The following TEX14 variants were observed in gnomAD, a reference collection of about 807,000 sequenced individuals.
TEX14 encodes inactive serine/threonine-protein kinase TEX14.
Under a neutral mutation model 178.6 loss-of-function variants are expected in TEX14, and 168 were observed. The observed-to-expected ratio is 0.94, with a 90% CI of 0.83 to 1.07. The LOEUF is 1.07. Ranked by LOEUF, TEX14 falls within the 50% of genes least tolerant of loss-of-function variation. The pLI is 0.00. For synonymous variants in TEX14, 626 were observed against 634.1 expected (o/e 0.99, Z 0.19); for missense variants, 1,730 against 1,753.6 (o/e 0.99, Z 0.24).
intron 18 of TEX14, among the ~76,000 whole-genome samples, chr17:58,585,088 T>C (rs147441389): frequency 6.6e-6 from 1 of 152,290 alleles, no homozygotes; most frequent in African/African-American, 2.4e-5. Flanking sequence ...CAGCTTAGAA[T>C]ACATTCTAAA....
chr17:58,689,920 G>GC lies in TEX14; in HGVS notation c.-2+2018dup, dbSNP rs778780639. Among the ~76,000 whole-genome samples the GC allele has an allele frequency of 1.1e-3, 171 of 150,466 alleles. 1 individual carries two copies. Among genetic ancestry groups the GC allele is most frequent in the Non-Finnish European group, 1.8e-3 (120 of 67,718 alleles). On this transcript the variant is annotated intron_variant, in intron 1 of 31. Transcript: ENST00000349033. The stretch of plus-strand genomic sequence containing the variant: ...GCTGGAATGTGGTGGCGTGATCTAG[G>GC]CTCACTGCAAGCTCCGCCTCCTGGG...
chr17:58,675,925 A>G (rs2047386913), intron 1 of TEX14, among the ~76,000 whole-genome samples: 1 of 152,154 alleles, frequency 6.6e-6, no homozygotes, highest in Non-Finnish European at 1.5e-5. Flanking sequence ...TCATAGTAGT[A>G]TGTAAGCTTT....
intron 10 of TEX14, among the ~76,000 whole-genome samples, chr17:58,609,311 G>A (rs943892698): frequency 2.6e-5 from 4 of 152,080 alleles, no homozygotes; most frequent in Non-Finnish European, 4.4e-5. Flanking sequence ...GGGTTTCACC[G>A]TGTTAGCCAG....
intron 1 of TEX14, among the ~76,000 whole-genome samples, chr17:58,656,911 A>G (rs1048842115): frequency 5.6e-5 from 8 of 143,506 alleles, no homozygotes; most frequent in Admixed American, 2.2e-4. Flanking sequence ...TGACTGAGCA[A>G]AACTCCCATC....
chr17:58,625,129 GTTTTT>G (rs11324185), intron 3 of TEX14, among the ~76,000 whole-genome samples: 1 of 145,790 alleles, frequency 6.9e-6, no homozygotes, highest in South Asian at 2.1e-4. Context: ...TGTTTTTTGG[GTTTTT>G]TTTTTTTCTT....
intron 3 of TEX14, among the ~76,000 whole-genome samples, chr17:58,630,224 T>G (rs909656938): frequency 7.0e-6 from 1 of 142,184 alleles, no homozygotes. Context: ...GCCTGGCTAA[T>G]TTTTTGTATT....
chr17:58,620,501 T>A (rs999850486), intron 5 of TEX14, among the ~76,000 whole-genome samples: 10 of 146,052 alleles, frequency 6.8e-5, no homozygotes, highest in Non-Finnish European at 1.2e-4. Flanking sequence ...CGGCTAATAT[T>A]TTTTTTTTTT....
chr17:58,573,229 G>A lies in TEX14; in HGVS notation c.3463C>T (p.Pro1155Ser). ...SSFKEASCKTPKINHAPTSVS... is the reference protein window; with the variant it reads ...SSFKEASCKTSKINHAPTSVS... The stretch of plus-strand genomic sequence containing the variant: ...CTGGTAGGTGCATGGTTTATTTTGG[G>A]TGTTTTGCATGAAGCTTCCTTAAAA... Residue 1155 changes from proline to serine, a missense_variant, in exon 23 of 32, where the codon CCC (proline) becomes TCC (serine). Physicochemically the swap from Pro to Ser is moderately conservative, Grantham distance 74. Around this residue, in one of 2 missense-constraint regions of TEX14, gnomAD observed 941 missense variants for 1,072.4 expected, o/e 0.88. Coordinates refer to ENST00000349033, the MANE Select transcript of TEX14 (RefSeq NM_031272.5). The A allele has an allele frequency of 6.2e-7, 1 of 1,614,124 alleles. No homozygotes were observed. The highest frequency in any genetic ancestry group is 1.3e-5 in the African/African-American group (1 of 75,036).
At chr17:58,661,266 TAA>T (rs2047103655) in intron 1 of TEX14, 1 of 802,656 alleles carries the variant, frequency 1.2e-6, no homozygotes. Context: ...AAGTATTTTA[TAA>T]AGTGTTCGCG....
intron 5 of TEX14, among the ~76,000 whole-genome samples, chr17:58,619,405 A>G (rs749939114): frequency 6.0e-4 from 92 of 152,346 alleles, no homozygotes; most frequent in South Asian, 1.4e-3. Flanking sequence ...TTCTTTCCCC[A>G]GTCCAAGCTC....
chr17:58,656,093 G>A (rs1039470577), intron 1 of TEX14, among the ~76,000 whole-genome samples: 39 of 152,170 alleles, frequency 2.6e-4, no homozygotes, highest in African/African-American at 9.2e-4. Context: ...CTGAGGTCAC[G>A]AGTTTGAGAC....
At chr17:58,659,036 A>C (rs1051615463) in intron 1 of TEX14, among the ~76,000 whole-genome samples, 2 of 150,848 alleles carry the variant, frequency 1.3e-5, no homozygotes, top group Non-Finnish European at 2.9e-5. Flanking sequence ...TAACCTAAGA[A>C]GACGTAAGGT....
chr17:58,561,021 A>C (rs1242863923), intron 29 of TEX14, among the ~76,000 whole-genome samples: 1 of 152,232 alleles, frequency 6.6e-6, no homozygotes, highest in African/African-American at 2.4e-5. Flanking sequence ...TCTTGCCCTC[A>C]GTAAAATTAT....
chr17:58,640,790 G>GCTCAACCTCAGCTCAAC (rs1338770829), intron 2 of TEX14, among the ~76,000 whole-genome samples: 2 of 152,102 alleles, frequency 1.3e-5, no homozygotes, highest in Admixed American at 6.6e-5. Flanking sequence ...TGCAATCTCA[G>GCTCAACCTCAGCTCAAC]CTCAGTGCAA....
chr17:58,608,371 C>T (rs973675450), intron 10 of TEX14, among the ~76,000 whole-genome samples: 12 of 151,358 alleles, frequency 7.9e-5, no homozygotes, highest in East Asian at 2.0e-4. Flanking sequence ...GAGCCGAGAT[C>T]GTGCCACTGC....
chr17:58,611,546 C>G (rs2045746911), intron 9 of TEX14, among the ~76,000 whole-genome samples: 1 of 152,182 alleles, frequency 6.6e-6, no homozygotes, highest in African/African-American at 2.4e-5. Context: ...AACCTGGATT[C>G]CTTTCCCTCA....
At chr17:58,651,753 A>T in intron 2 of TEX14, 113 bp downstream of exon 2, 2 of 1,000,334 alleles carry the variant, frequency 2.0e-6, no homozygotes, top group East Asian at 2.6e-5. Flanking sequence ...TTCTACATTT[A>T]ATTTCTGGAT....
intron 2 of TEX14, among the ~76,000 whole-genome samples, chr17:58,632,440 C>CCTCA (rs1364816445): frequency 3.3e-5 from 5 of 152,216 alleles, no homozygotes; most frequent in Non-Finnish European, 7.3e-5. Flanking sequence ...GATCTTCCCA[C>CCTCA]CTCAGCCTTC....
At chr17:58,643,981 G>C (rs1327065931) in intron 2 of TEX14, among the ~76,000 whole-genome samples, 6 of 142,840 alleles carry the variant, frequency 4.2e-5, no homozygotes, top group African/African-American at 1.6e-4. Context: ...CCTGCAGCCA[G>C]AGCAGCCATT....
Sources: allele counts gnomAD v4.1 joint callset (sites outside exome capture counted in the v4.1 genomes callset), GRCh38; gene constraint gnomAD v4.1.1; regional missense constraint gnomAD v4.1.1; transcripts MANE v1.5; gene names NCBI Gene and HGNC (gene_info 2026-07-23, HGNC 2026-07-21).